Variants in LTBP1 observed in about 807,000 individuals in gnomAD.
The protein encoded by LTBP1 is latent transforming growth factor beta binding protein 1, also known as latent-transforming growth factor beta-binding protein 1.
In LTBP1, 129 loss-of-function variants were observed where a neutral mutation model predicts 207.6. The ratio of observed to expected loss-of-function variants is 0.62; its 90% CI spans 0.54 to 0.72. The LOEUF (loss-of-function observed/expected upper bound fraction) is 0.72, where lower values mean the gene tolerates loss of function less well. Among genes scored for constraint, LTBP1 ranks in the 30% least tolerant of loss-of-function variants. The probability of loss-of-function intolerance (pLI) is 0.00; values close to 1 mark genes in which losing one functional copy is unlikely to be tolerated. For synonymous variants in LTBP1, 963 were observed against 833.7 expected (o/e 1.16, Z -2.67); for missense variants, 2,281 against 2,217.2 (o/e 1.03, Z -0.58).
chr2:33,391,810 A>C (rs1254743426), intron 32 of LTBP1, among the ~76,000 whole-genome samples: 1 of 151,908 alleles, frequency 6.6e-6, no homozygotes, highest in African/African-American at 2.4e-5. Flanking sequence ...TCTTTTTTTT[A>C]ATTAACTACA....
At chr2:33,189,899 C>T (rs1388486897) in intron 7 of LTBP1, among the ~76,000 whole-genome samples, 1 of 151,942 alleles carries the variant, frequency 6.6e-6, no homozygotes, top group Admixed American at 6.6e-5. Flanking sequence ...TGGTGGCAGG[C>T]GCCTGTAATC....
At chr2:33,104,730 T>C (rs2079955385) in intron 3 of LTBP1, among the ~76,000 whole-genome samples, 1 of 152,306 alleles carries the variant, frequency 6.6e-6, no homozygotes, top group East Asian at 1.9e-4. Flanking sequence ...GATGTTGGCC[T>C]CTCCTAGAAT....
chr2:33,332,844 G>T (rs1363096888), intron 24 of LTBP1: 2 of 152,254 alleles, frequency 1.3e-5, no homozygotes, highest in African/African-American at 4.8e-5. Context: ...CAGAGAACTT[G>T]GTGCACTCAA....
chr2:33,254,578 G>A (rs1004165790), intron 11 of LTBP1, among the ~76,000 whole-genome samples: 12 of 83,002 alleles, frequency 1.4e-4, no homozygotes, highest in Non-Finnish European at 9.8e-5. Context: ...TAGGGAGTTT[G>A]TTGTTGTTTT....
intron 19 of LTBP1, among the ~76,000 whole-genome samples, chr2:33,283,648 G>C (rs1045355161): frequency 6.6e-6 from 1 of 152,042 alleles, no homozygotes. Flanking sequence ...ATGTTAGCCA[G>C]GATGGTCTGG....
chr2:32,980,220 C>G lies in LTBP1; in HGVS notation c.565+31275C>G, dbSNP rs114967296. Among the ~76,000 whole-genome samples, 296 of 151,926 alleles carry G rather than the reference C, an allele frequency of 1.9e-3. 2 individuals are homozygous for G. Among genetic ancestry groups the G allele is most frequent in the African/African-American group, 6.8e-3 (284 of 41,498 alleles). On this transcript the variant is annotated intron_variant, in intron 2 of 33. Transcript: ENST00000404816. ...TACAATTTTGTTATTTGTTTTCTGG[C>G]CTTCTCTTCTTTCTTTTCTTTCTGT... is the stretch of plus-strand genomic sequence containing the variant.
chr2:33,338,767 G>C (rs2094581498), intron 24 of LTBP1, among the ~76,000 whole-genome samples: 1 of 152,180 alleles, frequency 6.6e-6, no homozygotes, highest in African/African-American at 2.4e-5. Context: ...GACGGAAGGA[G>C]TATGCACCAA....
At chr2:32,967,798 G>A (rs1680223616) in intron 2 of LTBP1, among the ~76,000 whole-genome samples, 1 of 152,164 alleles carries the variant, frequency 6.6e-6, no homozygotes, top group South Asian at 2.1e-4. Flanking sequence ...TGCTGTCGTT[G>A]GATGAAGTAG....
chr2:33,214,395 T>C (rs1011840399), intron 7 of LTBP1, among the ~76,000 whole-genome samples: 6 of 152,206 alleles, frequency 3.9e-5, no homozygotes, highest in African/African-American at 1.4e-4. Context: ...TTCTCTAAGG[T>C]TCCCGTTTGT....
chr2:33,039,693 A>G (rs1261807265), intron 3 of LTBP1, among the ~76,000 whole-genome samples: 2 of 152,212 alleles, frequency 1.3e-5, no homozygotes, highest in Non-Finnish European at 2.9e-5. Context: ...ATATAATCAT[A>G]GTCAATTAAA....
intron 21 of LTBP1, 47 bp downstream of exon 21, chr2:33,300,620 C>T (rs765740933): frequency 1.9e-6 from 3 of 1,578,744 alleles, no homozygotes; most frequent in Non-Finnish European, 2.6e-6. Context: ...CTTAAAGCAC[C>T]TGGTCTGAAA....
chr2:33,229,678 A>G (rs72858050), intron 9 of LTBP1, among the ~76,000 whole-genome samples: 1,777 of 151,744 alleles, frequency 0.012, 35 homozygotes, highest in African/African-American at 0.042. Context: ...AAGTAATTGC[A>G]TGAGTTTTTT....
At chr2:33,186,332 C>G (rs567093416) in intron 5 of LTBP1, among the ~76,000 whole-genome samples, 21 of 152,240 alleles carry the variant, frequency 1.4e-4, no homozygotes, top group Non-Finnish European at 2.1e-4. Context: ...TACAGGCATG[C>G]AATGCGTAAT....
chr2:33,084,003 G>A (rs2078604773), intron 3 of LTBP1, among the ~76,000 whole-genome samples: 1 of 152,140 alleles, frequency 6.6e-6, no homozygotes, highest in African/African-American at 2.4e-5. Flanking sequence ...GTTAACTTGG[G>A]GAGACCTTGC....
intron 5 of LTBP1, among the ~76,000 whole-genome samples, chr2:33,157,023 C>G (rs914675539): frequency 1.4e-4 from 22 of 152,142 alleles, no homozygotes; most frequent in African/African-American, 5.3e-4. Context: ...CACACTTGGC[C>G]ATTACATTGG....
At chr2:32,958,116 G>A (rs970728443) in intron 2 of LTBP1, among the ~76,000 whole-genome samples, 4 of 152,124 alleles carry the variant, frequency 2.6e-5, no homozygotes, top group Admixed American at 1.3e-4. Context: ...ATTAGAATAC[G>A]GAGCTCCTAA....
Position 33,222,137 on chromosome 2 carries a change from A to C in LTBP1, c.1862A>C (p.Asn621Thr), listed in dbSNP as rs747325093. The change falls in exon 9 of 34, where the codon AAC (asparagine) becomes ACC (threonine). Residue 621 changes from asparagine (N) to threonine (T), a missense_variant. Physicochemically the swap from Asn to Thr is moderately conservative, Grantham distance 65 (BLOSUM62 0). Transcript: ENST00000404816. The stretch of plus-strand genomic sequence containing the variant: ...CTACCGGGTTATAAGCGGGTTAACA[A>C]CACCTTTTGCCAAGGTAAGACTAAC... The part of the protein sequence containing the change: ...ECLPGYKRVN[N>T]TFCQDINECQ... The C allele has an allele frequency of 1.9e-6, 3 of 1,610,928 alleles. No homozygotes were observed. The highest frequency in any genetic ancestry group is 3.3e-5 in the Admixed American group (2 of 60,004).
intron 5 of LTBP1, among the ~76,000 whole-genome samples, chr2:33,183,363 G>T (rs79208013): frequency 0.018 from 2,703 of 152,298 alleles, 86 homozygotes; most frequent in African/African-American, 0.062. Flanking sequence ...CTGCTTTGCT[G>T]TTTGTTCCTG....
At chr2:33,138,854 T>TC (rs1347879783) in intron 5 of LTBP1, among the ~76,000 whole-genome samples, 5 of 88,666 alleles carry the variant, frequency 5.6e-5, no homozygotes, top group African/African-American at 1.8e-4. Context: ...TTCTCTTTTT[T>TC]TTTTTTTTTT....
Sources: gnomAD v4.1 joint callset for allele counts (sites outside exome capture counted in the v4.1 genomes callset) on GRCh38, gnomAD v4.1.1 for gene constraint, MANE v1.5 for transcripts, NCBI Gene and HGNC (gene_info 2026-07-23, HGNC 2026-07-21) for gene names.